The following ASIC2 variants were observed in gnomAD, a reference collection of about 807,000 sequenced individuals.
ASIC2 encodes acid sensing ion channel subunit 2.
Under a neutral mutation model 57.3 loss-of-function variants are expected in ASIC2, and 25 were observed. The ratio of observed to expected loss-of-function variants is 0.44; its 90% confidence interval spans 0.32 to 0.61. The LOEUF (loss-of-function observed/expected upper bound fraction) is 0.61. ASIC2 is among the 20% of genes least tolerant of loss of function. The pLI, the probability that ASIC2 is intolerant of heterozygous loss-of-function variation, is 0.06. For missense variants in ASIC2, 641 were observed against 738.1 expected (o/e 0.87, Z 1.52); for synonymous variants, 319 against 307.5 (o/e 1.04, Z -0.39).
At chr17:33,745,374 A>G (rs1910227231) in intron 1 of ASIC2, among the ~76,000 whole-genome samples, 1 of 151,136 alleles carries the variant, frequency 6.6e-6, no homozygotes, top group Non-Finnish European at 1.5e-5. Flanking sequence ...AAAATATCAC[A>G]AGAAATAATG....
chr17:33,692,392 A>G (rs17192422), intron 1 of ASIC2: 35,290 of 151,992 alleles, frequency 0.23, 4,709 homozygotes, highest in Middle Eastern at 0.46. Flanking sequence ...ACTTCACAGA[A>G]CCCACTACTA....
intron 1 of ASIC2, chr17:34,118,889 C>G (rs903594410): frequency 6.6e-6 from 1 of 152,300 alleles, no homozygotes; most frequent in African/African-American, 2.4e-5. Flanking sequence ...GGATAAGAAT[C>G]AGTCCTGCCC....
chr17:33,793,828 T>C (rs1236069931), intron 1 of ASIC2: 1 of 152,198 alleles, frequency 6.6e-6, no homozygotes, highest in Non-Finnish European at 1.5e-5. Flanking sequence ...CACAATGATA[T>C]ACATGTTCAC....
At chr17:33,866,692 A>C (rs1914247143) in intron 1 of ASIC2, among the ~76,000 whole-genome samples, 1 of 152,152 alleles carries the variant, frequency 6.6e-6, no homozygotes, top group African/African-American at 2.4e-5. Context: ...GTCCCATAAA[A>C]TGTAGGATCC....
intron 1 of ASIC2, among the ~76,000 whole-genome samples, chr17:33,412,459 A>G (rs1218729660): frequency 6.6e-6 from 1 of 152,206 alleles, no homozygotes; most frequent in Non-Finnish European, 1.5e-5. Flanking sequence ...TGTCCTCCCT[A>G]TGCAACAGTC....
intron 1 of ASIC2, among the ~76,000 whole-genome samples, chr17:33,622,508 G>A (rs1905834179): frequency 6.6e-6 from 1 of 152,116 alleles, no homozygotes; most frequent in Non-Finnish European, 1.5e-5. Flanking sequence ...GTTTCATGGA[G>A]GCAATATTCT....
chr17:33,488,724 C>T (rs1181196730), intron 1 of ASIC2, among the ~76,000 whole-genome samples: 1 of 152,148 alleles, frequency 6.6e-6, no homozygotes, highest in Admixed American at 6.5e-5. Flanking sequence ...CCTACCTCAC[C>T]CTGAGCCTTT....
chr17:33,170,301 C>T (rs1383705537), intron 1 of ASIC2, among the ~76,000 whole-genome samples: 34 of 152,128 alleles, frequency 2.2e-4, no homozygotes, highest in Admixed American at 2.2e-3. Context: ...ATAAGAAAAT[C>T]ATCAGTGATT....
Position 33,170,974 on chromosome 17 carries a change from C to T in ASIC2, c.709-58907G>A, listed in dbSNP as rs182235030. ...GATCTGCCCTCTTCCCCTCTACAGG[C>T]CTTCAGATGTGTGATGTTGTGGGCC... is the stretch of plus-strand genomic sequence containing the variant. On this transcript the variant is annotated intron_variant, in intron 1 of 9. Transcript: ENST00000225823. 1.4e-3 allele frequency among the ~76,000 whole-genome samples: 220 copies of T among 152,306 alleles called. 1 individual carries two copies. The highest frequency in any genetic ancestry group is 5.1e-3 in the African/African-American group (210 of 41,568).
intron 1 of ASIC2, among the ~76,000 whole-genome samples, chr17:34,133,179 C>T (rs1912041442): frequency 6.6e-6 from 1 of 152,182 alleles, no homozygotes. Flanking sequence ...GATATAAATA[C>T]ATATGATTGA....
intron 1 of ASIC2, among the ~76,000 whole-genome samples, chr17:34,009,884 G>T (rs184317231): frequency 3.2e-3 from 491 of 152,336 alleles, no homozygotes; most frequent in Middle Eastern, 6.8e-3. Flanking sequence ...AACGGGAGGG[G>T]TGCATGAGGA....
chr17:33,812,623 G>A (rs1218263190), intron 1 of ASIC2, among the ~76,000 whole-genome samples: 3 of 152,166 alleles, frequency 2.0e-5, no homozygotes, highest in Non-Finnish European at 4.4e-5. Context: ...ACCTGACCCA[G>A]CTCCTTTAAG....
intron 1 of ASIC2, among the ~76,000 whole-genome samples, chr17:33,786,523 C>A (rs563635888): frequency 6.6e-6 from 1 of 152,080 alleles, no homozygotes; most frequent in Admixed American, 6.5e-5. Context: ...TTTTAATACC[C>A]ACCTAATTAA....
At chr17:33,335,573 G>T (rs1057498096) in intron 1 of ASIC2, among the ~76,000 whole-genome samples, 1 of 16,308 alleles carries the variant, frequency 6.1e-5, no homozygotes, top group Non-Finnish European at 1.6e-4. Flanking sequence ...GAGGTAGAAG[G>T]GTGAGTCAAT....
At chr17:33,261,112 T>C (rs1414489387) in intron 1 of ASIC2, among the ~76,000 whole-genome samples, 1 of 152,214 alleles carries the variant, frequency 6.6e-6, no homozygotes, top group East Asian at 1.9e-4. Context: ...AGCAAATCCA[T>C]TTGCCACCCA....
intron 1 of ASIC2, among the ~76,000 whole-genome samples, chr17:33,925,055 C>A (rs1006662294): frequency 6.6e-6 from 1 of 152,246 alleles, no homozygotes; most frequent in South Asian, 2.1e-4. Context: ...CAGGGCTGGG[C>A]TTCCTGCCTT....
chr17:33,141,923 G>A (rs1988353), intron 1 of ASIC2, among the ~76,000 whole-genome samples: 33,979 of 152,100 alleles, frequency 0.22, 3,802 homozygotes, highest in Middle Eastern at 0.32. Context: ...TGAAAACTTA[G>A]GTGAATGTAC....
chr17:33,889,401 C>T (rs531481451), intron 1 of ASIC2, among the ~76,000 whole-genome samples: 1 of 152,248 alleles, frequency 6.6e-6, no homozygotes, highest in South Asian at 2.1e-4. Flanking sequence ...ATTAAATTTA[C>T]TTTTGATAAG....
At chr17:33,757,142 G>A (rs542219562) in intron 1 of ASIC2, among the ~76,000 whole-genome samples, 11 of 152,222 alleles carry the variant, frequency 7.2e-5, no homozygotes, top group Admixed American at 6.5e-4. Flanking sequence ...ATCATGACTA[G>A]AATCCTTCCT....
Sources: allele counts gnomAD v4.1 joint callset (sites outside exome capture counted in the v4.1 genomes callset), GRCh38; gene constraint gnomAD v4.1.1; transcripts MANE v1.5; gene names NCBI Gene and HGNC (gene_info 2026-07-23, HGNC 2026-07-21).